PACRG: variants seen among roughly 807,000 people sequenced by gnomAD.
The protein encoded by PACRG is parkin coregulated.
In PACRG, 29 loss-of-function variants were observed where a neutral mutation model predicts 29.7. The ratio of observed to expected loss-of-function variants is 0.98; its 90% CI spans 0.73 to 1.33. The LOEUF (loss-of-function observed/expected upper bound fraction) is 1.33. Ranked by LOEUF, PACRG falls within the 40% of genes most tolerant of loss-of-function variation. The pLI, the probability that PACRG is intolerant of heterozygous loss-of-function variation, is 0.00. For missense variants in PACRG, 279 were observed against 316.2 expected (o/e 0.88, Z 0.89); for synonymous variants, 116 against 118.7 (o/e 0.98, Z 0.15).
At chr6:163,191,080 T>C in intron 4 of PACRG, 2 of 412,418 alleles carry the variant, frequency 4.8e-6, no homozygotes, top group South Asian at 3.7e-5. Context: ...ACAAAAAACC[T>C]GTTACTTAGA....
At chr6:162,913,059 G>T (rs1562726014) in intron 2 of PACRG, among the ~76,000 whole-genome samples, 1 of 152,226 alleles carries the variant, frequency 6.6e-6, no homozygotes, top group East Asian at 1.9e-4. Flanking sequence ...TATGCCTATT[G>T]TTCCAATGTA....
chr6:162,835,356 T>C (rs909823519), intron 2 of PACRG, among the ~76,000 whole-genome samples: 3 of 152,126 alleles, frequency 2.0e-5, no homozygotes, highest in Non-Finnish European at 4.4e-5. Context: ...AAAAAGAAGA[T>C]ATAATATGAT....
chr6:163,079,418 A>G (rs537574597), intron 3 of PACRG, among the ~76,000 whole-genome samples: 190 of 151,764 alleles, frequency 1.3e-3, no homozygotes, highest in African/African-American at 2.7e-3. Context: ...AAAAAAAAAA[A>G]AAAGAAAGAA....
intron 2 of PACRG, among the ~76,000 whole-genome samples, chr6:163,035,299 G>C (rs576706655): frequency 2.0e-5 from 3 of 151,948 alleles, no homozygotes; most frequent in Non-Finnish European, 4.4e-5. Flanking sequence ...GATCACCTAA[G>C]GTCAGGAGTT....
chr6:162,989,359 G>A (rs1803206456), intron 2 of PACRG, among the ~76,000 whole-genome samples: 1 of 152,144 alleles, frequency 6.6e-6, no homozygotes, highest in African/African-American at 2.4e-5. Flanking sequence ...ATGGCAGATG[G>A]AGATAAAAGT....
intron 4 of PACRG, among the ~76,000 whole-genome samples, chr6:163,111,398 G>T (rs1203195207): frequency 6.6e-6 from 1 of 152,214 alleles, no homozygotes; most frequent in Non-Finnish European, 1.5e-5. Flanking sequence ...TAAGTACAGG[G>T]TGTTTATGCC....
intron 2 of PACRG, among the ~76,000 whole-genome samples, chr6:163,039,856 GA>G (rs1451842040): frequency 2.0e-5 from 3 of 152,346 alleles, no homozygotes; most frequent in South Asian, 2.1e-4. Context: ...AACCAGAGCA[GA>G]AAAGTTTGGA....
chr6:163,302,681 T>C (rs1785048618), intron 4 of PACRG, among the ~76,000 whole-genome samples: 1 of 152,220 alleles, frequency 6.6e-6, no homozygotes, highest in Non-Finnish European at 1.5e-5. Flanking sequence ...ATTAATTCAT[T>C]TTAGAATTTT....
At chr6:162,727,283 A>AGGGGCGAAGGTGAGGGGCTGCGGC (rs1779282149), upstream of PACRG, 1 of 265,670 alleles carries the variant, frequency 3.8e-6, no homozygotes, top group Non-Finnish European at 6.9e-6. Context: ...CAGTGAGGTG[A>AGGGGCGAAGGTGAGGGGCTGCGGC]GGGGCGAAGG....
intron 2 of PACRG, among the ~76,000 whole-genome samples, chr6:162,821,300 C>G (rs970104013): frequency 1.3e-5 from 2 of 152,072 alleles, no homozygotes; most frequent in Non-Finnish European, 2.9e-5. Flanking sequence ...TCTCATCGAG[C>G]TTGAAAGTCA....
At chr6:162,798,901 A>G (rs972729582) in intron 1 of PACRG, among the ~76,000 whole-genome samples, 1 of 152,234 alleles carries the variant, frequency 6.6e-6, no homozygotes, top group Non-Finnish European at 1.5e-5. Flanking sequence ...TTAGTATCTA[A>G]CATATTTCAA....
intron 4 of PACRG, among the ~76,000 whole-genome samples, chr6:163,272,153 C>T (rs1252435763): frequency 2.6e-5 from 4 of 151,990 alleles, no homozygotes; most frequent in African/African-American, 9.7e-5. Context: ...ATTCTCCTGC[C>T]TCAGCCTCCC....
chr6:163,153,968 G>A (rs991347251), intron 4 of PACRG, among the ~76,000 whole-genome samples: 1 of 152,202 alleles, frequency 6.6e-6, no homozygotes, highest in Non-Finnish European at 1.5e-5. Context: ...CAAAAGCTGA[G>A]AGGCCCTAAG....
At chr6:163,118,496 T>G (rs1279912528) in intron 4 of PACRG, among the ~76,000 whole-genome samples, 1 of 152,254 alleles carries the variant, frequency 6.6e-6, no homozygotes, top group Non-Finnish European at 1.5e-5. Context: ...GCATGGCTAA[T>G]GTATTTTATT....
intron 2 of PACRG, among the ~76,000 whole-genome samples, chr6:162,851,357 T>G (rs1790847899): frequency 6.6e-6 from 1 of 152,174 alleles, no homozygotes; most frequent in Non-Finnish European, 1.5e-5. Flanking sequence ...ACACGTTCTC[T>G]TCTCTAGAGG....
intron 2 of PACRG, among the ~76,000 whole-genome samples, chr6:162,888,927 G>A (rs965024659): frequency 5.3e-5 from 8 of 152,162 alleles, no homozygotes; most frequent in African/African-American, 1.9e-4. Flanking sequence ...GAGAGCATAG[G>A]TTTATATTTC....
intron 4 of PACRG, among the ~76,000 whole-genome samples, chr6:163,204,897 A>C: frequency 6.6e-6 from 1 of 152,218 alleles, no homozygotes; most frequent in South Asian, 2.1e-4. Flanking sequence ...CAATGTACAA[A>C]AACCACTAGC....
At chr6:163,004,577 C>A (rs887814514) in intron 2 of PACRG, among the ~76,000 whole-genome samples, 4 of 151,748 alleles carry the variant, frequency 2.6e-5, no homozygotes, top group Non-Finnish European at 5.9e-5. Flanking sequence ...CCCCATGATT[C>A]AGTTACCCCC....
At chr6:162,829,465 A>T (rs1183388769) in intron 2 of PACRG, among the ~76,000 whole-genome samples, 1 of 152,246 alleles carries the variant, frequency 6.6e-6, no homozygotes, top group East Asian at 1.9e-4. Context: ...TTCATCCATC[A>T]CACATTTCAG....
Sources: gnomAD v4.1 joint callset for allele counts (sites outside exome capture counted in the v4.1 genomes callset) on GRCh38, gnomAD v4.1.1 for gene constraint, MANE v1.5 for transcripts, NCBI Gene and HGNC (gene_info 2026-07-23, HGNC 2026-07-21) for gene names.